SLC35D1: variants seen among roughly 807,000 people sequenced by gnomAD.
SLC35D1 encodes nucleotide sugar transporter SLC35D1.
A neutral mutation model predicts 46.7 loss-of-function variants in SLC35D1; 31 were observed. The ratio of observed to expected loss-of-function variants is 0.66; its 90% confidence interval spans 0.50 to 0.90. The LOEUF (loss-of-function observed/expected upper bound fraction) is 0.90, where lower values mean the gene tolerates loss of function less well. SLC35D1 is among the 40% of genes least tolerant of loss of function. The probability of loss-of-function intolerance (pLI) is 0.00; values close to 1 mark genes in which losing one functional copy is unlikely to be tolerated. For synonymous variants in SLC35D1, 195 were observed against 164.6 expected (o/e 1.18, Z -1.41); for missense variants, 397 against 426.2 (o/e 0.93, Z 0.60).
the SLC35D1 span, among the ~76,000 whole-genome samples, chr1:66,991,312 T>G: frequency 3.9e-5 from 6 of 152,146 alleles, no homozygotes; most frequent in African/African-American, 1.4e-4. Context: ...GCCTGTTGAT[T>G]TGGGGGAGGC....
chr1:66,974,765 C>CT, the SLC35D1 span, among the ~76,000 whole-genome samples: 2 of 152,064 alleles, frequency 1.3e-5, no homozygotes, highest in Non-Finnish European at 2.9e-5. Flanking sequence ...GACAGTAATT[C>CT]TTTAAAAGGG....
intron 8 of SLC35D1, among the ~76,000 whole-genome samples, chr1:67,022,878 T>C (rs998006285): frequency 6.6e-6 from 1 of 152,208 alleles, no homozygotes; most frequent in Non-Finnish European, 1.5e-5. Context: ...CTGATCTACT[T>C]TCTGTTACTA....
chr1:67,010,995 G>A (rs1423611054), intron 10 of SLC35D1, among the ~76,000 whole-genome samples: 1 of 152,056 alleles, frequency 6.6e-6, no homozygotes, highest in African/African-American at 2.4e-5. Context: ...GTCTAAAAAA[G>A]CATTTATCAT....
the SLC35D1 span, chr1:66,985,630 A>G: frequency 1.0e-6 from 1 of 984,990 alleles, no homozygotes; most frequent in African/African-American, 1.7e-5. Flanking sequence ...TCTTAATACA[A>G]AAGCGTGTAT....
At chr1:67,043,988 T>C (rs1405679792) in intron 7 of SLC35D1, among the ~76,000 whole-genome samples, 1 of 152,170 alleles carries the variant, frequency 6.6e-6, no homozygotes, top group Non-Finnish European at 1.5e-5. Context: ...AAAGTCGAAC[T>C]GCCTTCTCAA....
chr1:67,036,178 T>G (rs902955664), intron 8 of SLC35D1, among the ~76,000 whole-genome samples: 3 of 152,176 alleles, frequency 2.0e-5, no homozygotes, highest in Non-Finnish European at 2.9e-5. Flanking sequence ...AAATGTTCCG[T>G]AAATATCTAT....
downstream of SLC35D1, among the ~76,000 whole-genome samples, chr1:66,995,956 C>T (rs1190384847): frequency 1.3e-5 from 2 of 152,178 alleles, no homozygotes; most frequent in Non-Finnish European, 2.9e-5. Context: ...ATTTCTTTCT[C>T]TAACAACGAG....
chr1:67,045,651 A>AT (rs1197998353), intron 7 of SLC35D1, among the ~76,000 whole-genome samples: 5 of 152,138 alleles, frequency 3.3e-5, no homozygotes, highest in African/African-American at 7.2e-5. Context: ...AGAAACTTTG[A>AT]TTTTTTTTCT....
chr1:66,996,337 G>T (rs1667237813), downstream of SLC35D1, among the ~76,000 whole-genome samples: 1 of 152,244 alleles, frequency 6.6e-6, no homozygotes, highest in Admixed American at 6.5e-5. Context: ...TCCACAGTGG[G>T]TGAACAATGA....
chr1:66,987,796 C>T, the SLC35D1 span: 5 of 152,040 alleles, frequency 3.3e-5, no homozygotes, highest in Non-Finnish European at 7.4e-5. Flanking sequence ...TTCTTCTATT[C>T]CTAGACATAT....
intron 7 of SLC35D1, 68 bp from the exon 8 acceptor site, chr1:67,042,396 ACCAC>A (rs2102346598): frequency 8.0e-7 from 1 of 1,254,790 alleles, no homozygotes; most frequent in Non-Finnish European, 1.2e-6. Flanking sequence ...TGTACAAAAT[ACCAC>A]TCAAACTACA....
intron 10 of SLC35D1, among the ~76,000 whole-genome samples, chr1:67,009,557 C>T (rs1667520721): frequency 6.6e-6 from 1 of 152,090 alleles, no homozygotes; most frequent in Non-Finnish European, 1.5e-5. Context: ...AGAAAACATA[C>T]ATGCAGCAAA....
chr1:67,047,896 CTT>C (rs1645268567), intron 6 of SLC35D1, among the ~76,000 whole-genome samples: 1 of 152,138 alleles, frequency 6.6e-6, no homozygotes, highest in African/African-American at 2.4e-5. Flanking sequence ...AACTCAAATA[CTT>C]AAACAATAGC....
intron 8 of SLC35D1, among the ~76,000 whole-genome samples, chr1:67,025,387 C>T (rs953581335): frequency 1.3e-5 from 2 of 152,150 alleles, no homozygotes; most frequent in African/African-American, 4.8e-5. Flanking sequence ...AATGATTGCC[C>T]ACATGGTATA....
At chr1:67,023,180 T>G (rs1050879164) in intron 8 of SLC35D1, among the ~76,000 whole-genome samples, 1 of 152,176 alleles carries the variant, frequency 6.6e-6, no homozygotes, top group African/African-American at 2.4e-5. Context: ...TTATCTTGGG[T>G]AAATAGCTAG....
intron 10 of SLC35D1, among the ~76,000 whole-genome samples, chr1:67,010,758 T>C (rs188016932): frequency 6.6e-6 from 1 of 152,316 alleles, no homozygotes; most frequent in East Asian, 1.9e-4. Context: ...GCATTTTGGA[T>C]TTCAGATTTG....
the SLC35D1 span, chr1:66,976,787 G>T: frequency 7.6e-7 from 1 of 1,312,240 alleles, no homozygotes; most frequent in Non-Finnish European, 1.0e-6. Flanking sequence ...GATTTTTCTT[G>T]AGTTAATTAT....
At chr1:67,041,572 T>C (rs901652468) in intron 8 of SLC35D1, among the ~76,000 whole-genome samples, 1 of 152,206 alleles carries the variant, frequency 6.6e-6, no homozygotes, top group Non-Finnish European at 1.5e-5. Context: ...TGGATTTCCA[T>C]TTAGTTTGCA....
intron 8 of SLC35D1, among the ~76,000 whole-genome samples, chr1:67,037,722 C>A (rs1668152291): frequency 6.6e-6 from 1 of 152,150 alleles, no homozygotes; most frequent in South Asian, 2.1e-4. Context: ...CAGATATTTT[C>A]TTAGTGTTTT....
Sources: allele counts gnomAD v4.1 joint callset (sites outside exome capture counted in the v4.1 genomes callset), GRCh38; gene constraint gnomAD v4.1.1; transcripts MANE v1.5; gene names NCBI Gene and HGNC (gene_info 2026-07-23, HGNC 2026-07-21).